Variants in CFAP46 observed in about 807,000 individuals in gnomAD.
CFAP46 encodes the protein cilia- and flagella-associated protein 46.
Under a neutral mutation model 325.7 loss-of-function variants are expected in CFAP46, and 245 were observed. The observed-to-expected ratio is 0.75, with a 90% CI of 0.68 to 0.84. CFAP46 has a LOEUF of 0.84. Among genes scored for constraint, CFAP46 ranks in the 40% least tolerant of loss-of-function variants. The pLI is 0.00. For missense variants in CFAP46, 3,346 were observed against 3,543.0 expected (o/e 0.94, Z 1.41); for synonymous variants, 1,523 against 1,495.9 (o/e 1.02, Z -0.42).
At chr10:132,821,592 TGCTGTGTGCTGTGTGTGC>T (rs1847831621) in intron 50 of CFAP46, among the ~76,000 whole-genome samples, 2 of 136,912 alleles carry the variant, frequency 1.5e-5, no homozygotes, top group African/African-American at 5.8e-5. Context: ...GCTGTGTGTG[TGCTGTGTGCTGTGTGTGC>T]GCTGATGTGT....
intron 55 of CFAP46, 34 bp from the exon 56 acceptor site, chr10:132,811,065 G>C: frequency 6.5e-7 from 1 of 1,538,374 alleles, no homozygotes; most frequent in Non-Finnish European, 8.8e-7. Context: ...CAGCAGCCTT[G>C]GCCTGACATG....
intron 44 of CFAP46, among the ~76,000 whole-genome samples, chr10:132,839,411 C>T (rs973769243): frequency 3.3e-5 from 5 of 152,240 alleles, no homozygotes; most frequent in African/African-American, 7.2e-5. Flanking sequence ...CGTGAACCCT[C>T]GGCCACAGAG....
At position 132,919,066 on chromosome 10, in the gene CFAP46, C is replaced by T. The variant is rs771351102; in HGVS notation, c.1858+249G>A. ...CTGTGGTGGCCCCTGCCTGAGCCTC[C>T]GAGGCCCCCAGTGACTGAAGATGGA... On this transcript the variant is annotated intron_variant, in intron 15 of 57. Coordinates refer to ENST00000368586, the MANE Select transcript of CFAP46 (RefSeq NM_001200049.3). The surrounding 1 kb of genome is among the most constrained non-coding windows in gnomAD (Gnocchi z 9.7). Among the ~76,000 whole-genome samples, 1 of 152,236 alleles carries T rather than the reference C, an allele frequency of 6.6e-6. No homozygotes were observed. Among genetic ancestry groups the T allele is most frequent in the African/African-American group, 2.4e-5 (1 of 41,456 alleles).
intron 35 of CFAP46, among the ~76,000 whole-genome samples, chr10:132,863,812 C>T: frequency 6.9e-6 from 1 of 144,092 alleles, no homozygotes; most frequent in African/African-American, 2.6e-5. Context: ...GACCTGCACG[C>T]ACCTGTCCCC....
chr10:132,867,671 T>G (rs1411836880), intron 33 of CFAP46, among the ~76,000 whole-genome samples, 164 bp from the exon 34 acceptor site: 1 of 152,196 alleles, frequency 6.6e-6, no homozygotes, highest in Non-Finnish European at 1.5e-5. Flanking sequence ...CACATCCGAC[T>G]CCCAAATTTG....
intron 4 of CFAP46, 82 bp downstream of exon 4, chr10:132,940,914 A>G: frequency 7.2e-7 from 1 of 1,392,032 alleles, no homozygotes; most frequent in Admixed American, 1.7e-5. Context: ...CCACAGTTCA[A>G]ATAAATACAC....
rs549846459 is a variant in CFAP46 at position 132,886,694 on chromosome 10, C to G, written c.3305-735G>C. ...CATCCCCAGTGAGCACAGAACCCAG[C>G]CCACTCTGCCACCTTCCGGCCAAGA... On this transcript the variant is annotated intron_variant, in intron 25 of 57. Transcript: ENST00000368586. This position sits in a 1 kb window ranked among gnomAD's most constrained non-coding sequence, Gnocchi z 5.8. Among the ~76,000 whole-genome samples the G allele has an allele frequency of 2.6e-5, 4 of 152,278 alleles. No homozygotes were observed. In the South Asian group the frequency reaches 6.2e-4, roughly 24 times the overall value.
intron 27 of CFAP46, among the ~76,000 whole-genome samples, chr10:132,882,466 C>T (rs1409168110): frequency 6.6e-6 from 1 of 151,520 alleles, no homozygotes; most frequent in African/African-American, 2.4e-5. Flanking sequence ...AGTCCAGCCA[C>T]CGGAGGATGG....
chr10:132,822,497 A>C (rs1282707772), intron 50 of CFAP46, among the ~76,000 whole-genome samples: 1 of 85,442 alleles, frequency 1.2e-5, no homozygotes, highest in Non-Finnish European at 2.2e-5. Context: ...GTGTGTGCTG[A>C]TGTGTGCTGT....
Position 132,837,936 on chromosome 10 carries a change from C to CGGACACAGACACGCACGTGTGCAT in CFAP46, c.6439-1023_6439-1022insATGCACACGTGCGTGTCTGTGTCC, listed in dbSNP as rs1361138091. ...ACGGACCCAGACACGCAGACATGCA[C>CGGACACAGACACGCACGTGTGCAT]GGACACAGACACGCACGTGTACACA... is the stretch of plus-strand genomic sequence containing the variant. On this transcript the variant is annotated intron_variant, in intron 44 of 57. Transcript: ENST00000368586. 5.8e-3 allele frequency among the ~76,000 whole-genome samples: 878 copies of CGGACACAGACACGCACGTGTGCAT among 152,160 alleles called. 17 individuals are homozygous for CGGACACAGACACGCACGTGTGCAT. Among genetic ancestry groups the CGGACACAGACACGCACGTGTGCAT allele is most frequent in the African/African-American group, 0.02 (828 of 41,440 alleles).
At chr10:132,820,932 TGC>T (rs1847794040) in intron 50 of CFAP46, among the ~76,000 whole-genome samples, 1 of 113,760 alleles carries the variant, frequency 8.8e-6, no homozygotes, top group African/African-American at 3.2e-5. Context: ...GTGCTGTGTG[TGC>T]GCTGATGTGT....
intron 55 of CFAP46, 35 bp downstream of exon 55, chr10:132,812,750 C>T (rs369002348): frequency 2.6e-4 from 404 of 1,531,320 alleles, no homozygotes; most frequent in African/African-American, 1.6e-3. Context: ...GTCCTGTGCC[C>T]GCGGGGGAGG....
intron 41 of CFAP46, among the ~76,000 whole-genome samples, chr10:132,848,767 T>C (rs561895132): frequency 6.6e-6 from 1 of 152,322 alleles, no homozygotes; most frequent in African/African-American, 2.4e-5. Flanking sequence ...AGAGCTTTTT[T>C]CTTTCACTTA....
At position 132,828,675 on chromosome 10, in the gene CFAP46, G is replaced by A. The variant is rs773883401; in HGVS notation, c.7117+4683C>T. ...AGTGGAAATTCTTAAATTTGCTGAC[G>A]GTCATAAAGATTTTCTTCAGTGCTT... On this transcript the variant is annotated intron_variant, in intron 50 of 57. Coordinates refer to ENST00000368586, the MANE Select transcript of CFAP46 (RefSeq NM_001200049.3). This position sits in a 1 kb window ranked among gnomAD's most constrained non-coding sequence, Gnocchi z 4.9. Among the ~76,000 whole-genome samples, 9 of 152,026 alleles carry A rather than the reference G, an allele frequency of 5.9e-5. No individual in the cohort carries two copies. Among genetic ancestry groups the A allele is most frequent in the African/African-American group, 1.5e-4 (6 of 41,370 alleles).
chr10:132,855,717 G>A (rs1041837506), intron 39 of CFAP46, among the ~76,000 whole-genome samples: 2 of 152,130 alleles, frequency 1.3e-5, no homozygotes, highest in Non-Finnish European at 2.9e-5. Context: ...GTTTTGGTAT[G>A]TAGTGTATGA....
chr10:132,906,564 G>A lies in CFAP46; in HGVS notation c.2924+1904C>T, dbSNP rs1467939662. Among the ~76,000 whole-genome samples, 17 of 71,028 alleles carry A rather than the reference G, an allele frequency of 2.4e-4. 2 individuals carry two copies. Among genetic ancestry groups the A allele is most frequent in the African/African-American group, 6.1e-4 (11 of 18,180 alleles). The allele number at this position is 71,028 out of a possible 152,430, so 46.6% of individuals were successfully genotyped here. On this transcript the variant is annotated intron_variant, in intron 22 of 57. Coordinates refer to ENST00000368586, the MANE Select transcript of CFAP46 (RefSeq NM_001200049.3). Reference sequence around the variant, plus strand: ...ACGGGGTCCTGGAGCGTGATGCCCCGTCCTGGGCACTGAGAAGAGTGAACG... The same window carrying A: ...ACGGGGTCCTGGAGCGTGATGCCCCATCCTGGGCACTGAGAAGAGTGAACG...
intron 19 of CFAP46, among the ~76,000 whole-genome samples, chr10:132,911,794 G>GT (rs1564798033): frequency 6.6e-6 from 1 of 152,168 alleles, no homozygotes; most frequent in African/African-American, 2.4e-5. Flanking sequence ...ATGTGTGGGT[G>GT]GTGTGGTCCC....
chr10:132,866,240 C>T (rs1039380891), intron 34 of CFAP46, 69 bp from the exon 35 acceptor site: 37 of 1,407,338 alleles, frequency 2.6e-5, no homozygotes, highest in Non-Finnish European at 1.3e-5. Flanking sequence ...ACGGGACAGG[C>T]TCTGGCTCAG....
rs772976282 is a variant in CFAP46, at chr10:132,920,190, C to A, written c.1607-8G>T. 1 of 1,527,334 alleles carries A rather than the reference C, an allele frequency of 6.5e-7. No homozygotes were observed. Among genetic ancestry groups the A allele is most frequent in the South Asian group, 1.2e-5 (1 of 81,160 alleles). The allele number at this position is 1,527,334 out of a possible 1,614,324, so 94.6% of individuals were successfully genotyped here. A position where few individuals can be genotyped will look rare whatever the true frequency, so the allele number is the denominator to read the frequency against. ...TGTTCTTCCCGGTGGAGACTGAGGG[C>A]GGAAATGCAAAGGCAGGTGTTGCAG... On this transcript the variant is annotated splice_polypyrimidine_tract_variant and splice_region_variant and intron_variant, in intron 13 of 57. Coordinates refer to ENST00000368586, the MANE Select transcript of CFAP46 (RefSeq NM_001200049.3).
Sources: allele counts gnomAD v4.1 joint callset (sites outside exome capture counted in the v4.1 genomes callset), GRCh38; gene constraint gnomAD v4.1.1; non-coding constraint Gnocchi (gnomAD v3.1); transcripts MANE v1.5; gene names NCBI Gene and HGNC (gene_info 2026-07-23, HGNC 2026-07-21).